The following LMAN2L variants were observed in gnomAD, a reference collection of about 807,000 sequenced individuals.
LMAN2L encodes the protein lectin, mannose binding 2 like.
In LMAN2L, 30 loss-of-function variants were observed where a neutral mutation model predicts 44.3. That is an observed-to-expected ratio of 0.68 (90% CI 0.51 to 0.92). The LOEUF is 0.92. LMAN2L is among the 40% of genes least tolerant of loss of function. The pLI, the probability that LMAN2L is intolerant of heterozygous loss-of-function variation, is 0.00. For missense variants in LMAN2L, 429 were observed against 446.1 expected, an observed-to-expected ratio of 0.96 and a Z score of 0.35; for synonymous variants, 183 against 171.1, an observed-to-expected ratio of 1.07 and a Z score of -0.54.
rs201025190 is a variant in LMAN2L at position 96,707,267 on chromosome 2, G to A, written c.1036C>T (p.Arg346Cys). 1.9e-5 allele frequency: 30 copies of A among 1,614,042 alleles called. No homozygotes were observed. The highest frequency in any genetic ancestry group is 1.8e-4 in the South Asian group (16 of 91,058). The change falls in exon 8 of 8, where the codon CGC becomes TGC. Residue 346 changes from arginine (R) to cysteine (C), a missense_variant. Arg to Cys is a radical substitution (Grantham distance 180). Coordinates refer to ENST00000264963, the MANE Select transcript of LMAN2L (RefSeq NM_030805.4). ...YNKWQEQSRK[R>C]FY ...GGCAGCAGGAGGGCTCAGTAGAAGC[G>A]CTTTCGGCTCTGTTCCTGCCATTTG...
At chr2:96,729,499 AT>A (rs1027384275) in intron 4 of LMAN2L, among the ~76,000 whole-genome samples, 6 of 147,688 alleles carry the variant, frequency 4.1e-5, no homozygotes, top group East Asian at 2.0e-4. Flanking sequence ...AAGTGATTTT[AT>A]TTTTTTTTTA....
intron 4 of LMAN2L, among the ~76,000 whole-genome samples, chr2:96,728,794 C>T (rs904866665): frequency 6.6e-6 from 1 of 151,876 alleles, no homozygotes; most frequent in Non-Finnish European, 1.5e-5. Context: ...AATCACTGAA[C>T]CCAGGAGGCG....
In LMAN2L at chr2:96,707,059, T is replaced by C; in HGVS notation, c.*197A>G. On this transcript the variant is annotated 3_prime_UTR_variant, in exon 8 of 8. Transcript: ENST00000264963. The stretch of plus-strand genomic sequence containing the variant: ...CAGCATTGCCCTGGGGTGGGTGGCT[T>C]CCCAGACCAGAGTTAGATGTCCCCA... 2 of 493,534 alleles carry C rather than the reference T, an allele frequency of 4.1e-6. No individual in the cohort carries two copies. Among genetic ancestry groups the C allele is most frequent in the Non-Finnish European group, 7.0e-6 (2 of 284,314 alleles). The allele number at this position is 493,534 out of a possible 1,614,324, so 30.6% of individuals were successfully genotyped here. A position where few individuals can be genotyped will look rare whatever the true frequency, so the allele number is the denominator to read the frequency against.
At chr2:96,728,089 T>C (rs1332488746) in intron 4 of LMAN2L, among the ~76,000 whole-genome samples, 1 of 152,222 alleles carries the variant, frequency 6.6e-6, no homozygotes, top group Non-Finnish European at 1.5e-5. Flanking sequence ...ACCATGCCAC[T>C]GACAAACACA....
chr2:96,729,921 A>G (rs757156739), intron 4 of LMAN2L, among the ~76,000 whole-genome samples: 1 of 152,218 alleles, frequency 6.6e-6, no homozygotes, highest in Non-Finnish European at 1.5e-5. Flanking sequence ...CCTAGACTGC[A>G]CTTCAGACGA....
intron 4 of LMAN2L, among the ~76,000 whole-genome samples, chr2:96,721,088 C>G (rs2078143628): frequency 6.6e-6 from 1 of 151,148 alleles, no homozygotes; most frequent in South Asian, 2.1e-4. Flanking sequence ...TTTCATCACC[C>G]CAAAAAAAAA....
intron 4 of LMAN2L, among the ~76,000 whole-genome samples, chr2:96,724,684 T>C (rs1198019150): frequency 1.3e-5 from 2 of 152,088 alleles, no homozygotes; most frequent in African/African-American, 2.4e-5. Context: ...TCTTGCTCTG[T>C]TGCCCAGGCT....
chr2:96,725,440 T>C (rs1221274943), intron 4 of LMAN2L, among the ~76,000 whole-genome samples: 6 of 151,124 alleles, frequency 4.0e-5, no homozygotes, highest in Non-Finnish European at 7.4e-5. Context: ...TTCTATTAAA[T>C]TTTCTTTTTT....
At chr2:96,720,234 G>C (rs1431790331) in intron 4 of LMAN2L, among the ~76,000 whole-genome samples, 3 of 152,078 alleles carry the variant, frequency 2.0e-5, no homozygotes, top group Non-Finnish European at 4.4e-5. Context: ...CCAGGGGTGA[G>C]GCCCAAACAT....
chr2:96,734,985 A>C (rs1210940176), intron 2 of LMAN2L, among the ~76,000 whole-genome samples: 1 of 152,194 alleles, frequency 6.6e-6, no homozygotes, highest in Non-Finnish European at 1.5e-5. Flanking sequence ...GTAGAAAAAG[A>C]AAAGCTAAGC....
chr2:96,711,824 C>A (rs1358469853), intron 5 of LMAN2L, 40 bp downstream of exon 5: 1 of 1,613,100 alleles, frequency 6.2e-7, no homozygotes, highest in Admixed American at 1.7e-5. Flanking sequence ...AAGAGCGACA[C>A]AGCCCACACC....
chr2:96,722,092 C>T (rs1054257617), intron 4 of LMAN2L, among the ~76,000 whole-genome samples: 1 of 151,910 alleles, frequency 6.6e-6, no homozygotes, highest in Non-Finnish European at 1.5e-5. Flanking sequence ...CTCAGCCTCC[C>T]GAGTAGCTGG....
chr2:96,709,688 G>C (rs187885637), intron 6 of LMAN2L, among the ~76,000 whole-genome samples: 34 of 152,362 alleles, frequency 2.2e-4, no homozygotes, highest in Admixed American at 1.9e-3. Flanking sequence ...GGGCATTAAA[G>C]CCTGGAACGG....
intron 1 of LMAN2L, among the ~76,000 whole-genome samples, chr2:96,738,797 G>C (rs2078571942): frequency 6.6e-6 from 1 of 151,648 alleles, no homozygotes; most frequent in Non-Finnish European, 1.5e-5. Context: ...CTGAAGTGCA[G>C]TGGCATGACC....
chr2:96,734,856 C>T lies in LMAN2L; in HGVS notation c.307-330G>A, dbSNP rs183697422. 2.7e-3 allele frequency among the ~76,000 whole-genome samples: 411 copies of T among 152,334 alleles called. 2 individuals carry two copies. Among genetic ancestry groups the T allele is most frequent in the Middle Eastern group, 6.8e-3 (2 of 294 alleles). ...ATCCTACACCCACCCAGCAAAGTAG[C>T]TCGGCTTTTAGAGTACAGATGGCTG... On this transcript the variant is annotated intron_variant, in intron 2 of 7. Coordinates refer to ENST00000264963, the MANE Select transcript of LMAN2L (RefSeq NM_030805.4).
Position 96,711,963 on chromosome 2 carries a change from C to T in LMAN2L, c.570G>A (p.Arg190=). Residue 190 remains arginine (R), a synonymous_variant, in exon 5 of 8, where the codon CGG becomes CGA. Transcript: ENST00000264963. ...NNGSLSYDHE[R]DGRPTELGGC... is the part of the protein sequence containing the mutation. ...CTCCCAGCTCTGTAGGCCGCCCATCCCGCTCATGATCATAGCTGAGGGAGC... is the reference window on the plus strand; with the variant it reads ...CTCCCAGCTCTGTAGGCCGCCCATCTCGCTCATGATCATAGCTGAGGGAGC... The T allele has an allele frequency of 6.2e-7, 1 of 1,614,168 alleles. No homozygotes were observed. The highest frequency in any genetic ancestry group is 8.5e-7 in the Non-Finnish European group (1 of 1,180,032).
intron 2 of LMAN2L, among the ~76,000 whole-genome samples, chr2:96,736,938 T>G (rs1325539477): frequency 6.6e-6 from 1 of 152,222 alleles, no homozygotes; most frequent in Non-Finnish European, 1.5e-5. Context: ...CTTGCCCTCC[T>G]GAACAGGGAA....
Position 96,707,839 on chromosome 2 carries a change from G to A in LMAN2L, c.785-6C>T. ...GGAAATGACATCATGATTATCTGAA[G>A]AAAAATGGAAGAAGGATGACTTGTG... On this transcript the variant is annotated splice_region_variant and splice_polypyrimidine_tract_variant and intron_variant, in intron 6 of 7. Transcript: ENST00000264963. The A allele has an allele frequency of 6.2e-7, 1 of 1,612,506 alleles. No homozygotes were observed. The highest frequency in any genetic ancestry group is 8.5e-7 in the Non-Finnish European group (1 of 1,179,400).
chr2:96,711,341 T>C (rs1009075777), intron 6 of LMAN2L, among the ~76,000 whole-genome samples: 4 of 152,042 alleles, frequency 2.6e-5, no homozygotes, highest in Admixed American at 1.3e-4. Context: ...ACATTAGTGG[T>C]TGGAAGGAGA....
Sources: allele counts gnomAD v4.1 joint callset (sites outside exome capture counted in the v4.1 genomes callset), GRCh38; gene constraint gnomAD v4.1.1; transcripts MANE v1.5; gene names NCBI Gene and HGNC (gene_info 2026-07-23, HGNC 2026-07-21).